PDCL2: variants seen among roughly 807,000 people sequenced by gnomAD.
The protein encoded by PDCL2 is phosducin like 2.
Under a neutral mutation model 30.3 loss-of-function variants are expected in PDCL2, and 23 were observed. The observed-to-expected ratio is 0.76, with a 90% confidence interval of 0.55 to 1.08. PDCL2 has a LOEUF of 1.08. Ranked by LOEUF, PDCL2 falls within the 50% of genes least tolerant of loss-of-function variation. The pLI, the probability that PDCL2 is intolerant of heterozygous loss-of-function variation, is 0.00. For missense variants in PDCL2, 243 were observed against 282.3 expected (o/e 0.86, Z 1.00); for synonymous variants, 68 against 86.2 (o/e 0.79, Z 1.17).
At chr4:55,578,910 T>C (rs1732637867) in intron 3 of PDCL2, among the ~76,000 whole-genome samples, 1 of 152,228 alleles carries the variant, frequency 6.6e-6, no homozygotes, top group Admixed American at 6.5e-5. Context: ...CACTGGATCT[T>C]ACCCATAGGA....
chr4:55,564,926 G>T (rs1036425372), intron 4 of PDCL2, among the ~76,000 whole-genome samples: 1 of 152,156 alleles, frequency 6.6e-6, no homozygotes, highest in Non-Finnish European at 1.5e-5. Flanking sequence ...AAACTGCCCC[G>T]AATCATTCCT....
intron 1 of PDCL2, among the ~76,000 whole-genome samples, chr4:55,588,880 G>T (rs77607669): frequency 1.8e-4 from 21 of 119,770 alleles, no homozygotes; most frequent in African/African-American, 6.0e-4. Flanking sequence ...TTTTTTTTTA[G>T]AGAGTCTCGC....
At chr4:55,565,971 C>CTGTT (rs1732253556) in intron 4 of PDCL2, among the ~76,000 whole-genome samples, 13 of 87,010 alleles carry the variant, frequency 1.5e-4, no homozygotes, top group African/African-American at 5.8e-4. Context: ...ATCCATTTTT[C>CTGTT]TGTTTTTTTT....
chr4:55,574,533 T>C (rs1053642684), intron 3 of PDCL2, among the ~76,000 whole-genome samples: 3 of 152,232 alleles, frequency 2.0e-5, no homozygotes, highest in Non-Finnish European at 4.4e-5. Context: ...CCCAGGTTCA[T>C]AGTCATTGCC....
rs899766255 is a variant in PDCL2, at chr4:55,581,665, C to T, written c.127+452G>A. Reference sequence around the variant, plus strand: ...TCATTTTAGGTGTCATATCCAAATACTGAAAGTAGTTGAGGGGGGTTATAT... The same window carrying T: ...TCATTTTAGGTGTCATATCCAAATATTGAAAGTAGTTGAGGGGGGTTATAT... On this transcript the variant is annotated intron_variant, in intron 2 of 5. Coordinates refer to ENST00000295645, the MANE Select transcript of PDCL2 (RefSeq NM_152401.3). Among the ~76,000 whole-genome samples, 8 of 152,262 alleles carry T rather than the reference C, an allele frequency of 5.3e-5. No homozygotes were observed. In the South Asian group the frequency reaches 1.0e-3, roughly 20 times the overall value.
intron 3 of PDCL2, among the ~76,000 whole-genome samples, chr4:55,580,026 T>A (rs920133517): frequency 6.6e-6 from 1 of 151,976 alleles, no homozygotes; most frequent in African/African-American, 2.4e-5. Context: ...TTTGTATTTT[T>A]AGTAGAGACG....
intron 5 of PDCL2, among the ~76,000 whole-genome samples, chr4:55,559,382 C>T (rs1732066651): frequency 6.6e-6 from 1 of 152,068 alleles, no homozygotes; most frequent in Non-Finnish European, 1.5e-5. Flanking sequence ...TGAGGAATAG[C>T]TGATTATAGA....
At chr4:55,558,890 C>G (rs1732051846) in intron 5 of PDCL2, among the ~76,000 whole-genome samples, 2 of 151,782 alleles carry the variant, frequency 1.3e-5, no homozygotes. Context: ...GCACACATAC[C>G]CACTCTTATA....
At chr4:55,590,450 T>A (rs1388436811) in intron 1 of PDCL2, among the ~76,000 whole-genome samples, 9 of 102,122 alleles carry the variant, frequency 8.8e-5, no homozygotes, top group Non-Finnish European at 1.5e-4. Flanking sequence ...CAGAGCAAGA[T>A]CCTGTCTCCA....
intron 3 of PDCL2, among the ~76,000 whole-genome samples, chr4:55,579,607 G>A (rs1157028028): frequency 5.3e-5 from 8 of 152,180 alleles, no homozygotes; most frequent in Non-Finnish European, 7.3e-5. Flanking sequence ...GTGGGTCACC[G>A]CACCCTGCCT....
At chr4:55,562,188 T>C (rs1265315659) in intron 5 of PDCL2, among the ~76,000 whole-genome samples, 1 of 152,200 alleles carries the variant, frequency 6.6e-6, no homozygotes, top group Non-Finnish European at 1.5e-5. Context: ...GAGAAGATTC[T>C]AAATTTTTAA....
chr4:55,565,736 A>G (rs1001793408), intron 4 of PDCL2, among the ~76,000 whole-genome samples: 3 of 152,128 alleles, frequency 2.0e-5, no homozygotes, highest in African/African-American at 7.2e-5. Context: ...GTGGTCCTTG[A>G]AAAACCTCAG....
chr4:55,568,611 T>C (rs1732330129), intron 4 of PDCL2, among the ~76,000 whole-genome samples: 1 of 152,232 alleles, frequency 6.6e-6, no homozygotes, highest in African/African-American at 2.4e-5. Context: ...TGTGGTTATG[T>C]AGAAGAACGT....
chr4:55,582,230 T>C lies in PDCL2; in HGVS notation c.14A>G (p.Asn5Ser), dbSNP rs375222009. The stretch of plus-strand genomic sequence containing the variant: ...AATGTCATTCCATTCTGTATCTTCA[T>C]TGGGATCCTACACAAAAAGAAAAGA... MQDP[N>S]EDTEWNDILR... is the part of the protein sequence containing the mutation. Residue 5 changes from asparagine (N) to serine (S), a missense_variant, in exon 2 of 6, where the codon AAT (asparagine) becomes AGT (serine). Transcript: ENST00000295645. 1.1e-5 allele frequency: 17 copies of C among 1,602,156 alleles called. No individual in the cohort carries two copies. Among genetic ancestry groups the C allele is most frequent in the South Asian group, 2.3e-5 (2 of 88,536 alleles).
intron 3 of PDCL2, 125 bp from the exon 4 acceptor site, chr4:55,569,986 G>T: frequency 1.6e-6 from 1 of 624,742 alleles, no homozygotes; most frequent in Non-Finnish European, 2.5e-6. Context: ...TTAAATGATG[G>T]GATAACCATG....
chr4:55,563,316 A>T (rs1577905400), intron 4 of PDCL2, among the ~76,000 whole-genome samples: 1 of 152,116 alleles, frequency 6.6e-6, no homozygotes, highest in Non-Finnish European at 1.5e-5. Flanking sequence ...TTTGTTGGTT[A>T]TTCTGCTTCC....
chr4:55,585,831 G>A (rs1260142308), intron 1 of PDCL2, among the ~76,000 whole-genome samples: 1 of 152,154 alleles, frequency 6.6e-6, no homozygotes, highest in Non-Finnish European at 1.5e-5. Context: ...CCATTGGCAT[G>A]TAACTGTTCA....
chr4:55,562,259 T>C, intron 5 of PDCL2, 145 bp downstream of exon 5: 1 of 455,774 alleles, frequency 2.2e-6, no homozygotes, highest in Non-Finnish European at 3.8e-6. Flanking sequence ...AGAGTATTAC[T>C]ATAGGAAAAT....
chr4:55,558,681 G>A (rs1732047898), intron 5 of PDCL2, among the ~76,000 whole-genome samples: 1 of 152,118 alleles, frequency 6.6e-6, no homozygotes, highest in Non-Finnish European at 1.5e-5. Context: ...AAGTATAGGA[G>A]AATATATTTT....
Sources: gnomAD v4.1 joint callset for allele counts (sites outside exome capture counted in the v4.1 genomes callset) on GRCh38, gnomAD v4.1.1 for gene constraint, MANE v1.5 for transcripts, NCBI Gene and HGNC (gene_info 2026-07-23, HGNC 2026-07-21) for gene names.